The following RBFOX1 variants were observed in gnomAD, a reference collection of about 807,000 sequenced individuals.
RBFOX1 encodes the protein RNA binding fox-1 homolog 1.
A neutral mutation model predicts 57.7 loss-of-function variants in RBFOX1; 8 were observed. The ratio of observed to expected loss-of-function variants is 0.14; its 90% CI spans 0.08 to 0.25. The LOEUF (loss-of-function observed/expected upper bound fraction) is 0.25. Ranked by LOEUF, RBFOX1 falls within the 10% of genes least tolerant of loss-of-function variation. The probability of loss-of-function intolerance (pLI) is 1.00; values close to 1 mark genes in which losing one functional copy is unlikely to be tolerated. For missense variants in RBFOX1, 611 were observed against 548.5 expected, an observed-to-expected ratio of 1.11 and a Z score of -1.14; for synonymous variants, 326 against 222.4, an observed-to-expected ratio of 1.47 and a Z score of -4.15.
chr16:7,042,436 A>G (rs1393477093), intron 3 of RBFOX1, among the ~76,000 whole-genome samples: 2 of 152,138 alleles, frequency 1.3e-5, no homozygotes, highest in Non-Finnish European at 2.9e-5. Context: ...TTAGGAATTC[A>G]CTCACTCTGT....
At chr16:6,759,803 G>A (rs2076348407) in intron 3 of RBFOX1, among the ~76,000 whole-genome samples, 1 of 152,076 alleles carries the variant, frequency 6.6e-6, no homozygotes, top group Non-Finnish European at 1.5e-5. Context: ...GTGGCTATGA[G>A]GATGTTTATT....
intron 2 of RBFOX1, among the ~76,000 whole-genome samples, chr16:6,428,312 G>T (rs2093986984): frequency 6.8e-6 from 1 of 147,232 alleles, no homozygotes. Context: ...AAAAAAAAGT[G>T]CTCGATGCCT....
chr16:6,282,290 T>C (rs2076456957), intron 1 of RBFOX1, among the ~76,000 whole-genome samples: 1 of 151,994 alleles, frequency 6.6e-6, no homozygotes, highest in South Asian at 2.1e-4. Flanking sequence ...TTGTCTCCTT[T>C]TCTGAACAGC....
intron 3 of RBFOX1, among the ~76,000 whole-genome samples, chr16:6,670,100 C>T (rs1272748357): frequency 2.0e-5 from 3 of 152,122 alleles, no homozygotes; most frequent in Admixed American, 6.5e-5. Flanking sequence ...TGGCTCACTG[C>T]AACCTCACCC....
intron 3 of RBFOX1, among the ~76,000 whole-genome samples, chr16:6,969,770 C>A (rs9924901): frequency 2.0e-5 from 3 of 151,980 alleles, no homozygotes; most frequent in African/African-American, 7.2e-5. Context: ...GGTAACGTAT[C>A]TTAATTGCTG....
At chr16:7,416,744 A>G (rs57030527) in intron 4 of RBFOX1, among the ~76,000 whole-genome samples, 12,827 of 151,996 alleles carry the variant, frequency 0.084, 1,317 homozygotes, top group East Asian at 0.31. Context: ...TTTTCTTTCC[A>G]CATATATGTG....
intron 2 of RBFOX1, among the ~76,000 whole-genome samples, chr16:5,525,346 C>T (rs965564746): frequency 3.3e-5 from 5 of 152,086 alleles, no homozygotes; most frequent in African/African-American, 7.2e-5. Context: ...TTTTATACAA[C>T]AGCTCTGTGA....
At chr16:6,597,443 G>T (rs2097787668) in intron 2 of RBFOX1, among the ~76,000 whole-genome samples, 1 of 152,082 alleles carries the variant, frequency 6.6e-6, no homozygotes, top group Admixed American at 6.5e-5. Flanking sequence ...GGAGGCCGAG[G>T]TGGGCGGATC....
intron 3 of RBFOX1, among the ~76,000 whole-genome samples, chr16:5,665,273 C>A (rs2049803124): frequency 6.6e-6 from 1 of 152,178 alleles, no homozygotes; most frequent in Admixed American, 6.5e-5. Flanking sequence ...GTCTCAGAGC[C>A]TTTGCATCCA....
At chr16:7,487,549 T>C (rs2065752352) in intron 4 of RBFOX1, among the ~76,000 whole-genome samples, 1 of 152,206 alleles carries the variant, frequency 6.6e-6, no homozygotes, top group South Asian at 2.1e-4. Context: ...GGAATGTCTT[T>C]CCATGTTTCA....
At chr16:6,553,929 A>G (rs753235302) in intron 2 of RBFOX1, among the ~76,000 whole-genome samples, 11 of 152,270 alleles carry the variant, frequency 7.2e-5, no homozygotes, top group Admixed American at 5.2e-4. Context: ...ATCATTCCCA[A>G]CAATTAAGTG....
intron 2 of RBFOX1, among the ~76,000 whole-genome samples, chr16:6,533,405 C>G (rs1406319127): frequency 1.3e-5 from 2 of 152,172 alleles, no homozygotes; most frequent in African/African-American, 4.8e-5. Flanking sequence ...GCTAAGGATG[C>G]TGTTACCAGC....
At chr16:7,507,008 C>T (rs543489662) in intron 4 of RBFOX1, among the ~76,000 whole-genome samples, 3 of 152,116 alleles carry the variant, frequency 2.0e-5, no homozygotes, top group African/African-American at 4.8e-5. Flanking sequence ...TCTAAAGCAT[C>T]GTAAGAGTCT....
intron 3 of RBFOX1, among the ~76,000 whole-genome samples, chr16:6,903,749 G>A (rs1036496923): frequency 2.0e-5 from 3 of 152,150 alleles, no homozygotes; most frequent in Admixed American, 2.0e-4. Context: ...AAAAGAAAGA[G>A]GTGAGAGGCA....
intron 4 of RBFOX1, among the ~76,000 whole-genome samples, chr16:7,196,389 C>A (rs960595595): frequency 1.3e-5 from 2 of 152,144 alleles, no homozygotes; most frequent in Non-Finnish European, 1.5e-5. Flanking sequence ...GCCCCATTTG[C>A]CACTGACTTG....
intron 3 of RBFOX1, among the ~76,000 whole-genome samples, chr16:5,644,206 T>G (rs1195135036): frequency 6.6e-6 from 1 of 152,146 alleles, no homozygotes; most frequent in African/African-American, 2.4e-5. Context: ...GTGTGTGTGT[T>G]TTTTTCCTTT....
In RBFOX1 at chr16:6,943,518, C is replaced by A. The variant is rs567814615; in HGVS notation, c.-15-108539C>A. 2.0e-5 allele frequency among the ~76,000 whole-genome samples: 3 copies of A among 152,180 alleles called. No homozygotes were observed. In the South Asian group the frequency reaches 6.2e-4, roughly 32 times the overall value. On this transcript the variant is annotated intron_variant, in intron 3 of 15. Coordinates refer to ENST00000550418, the MANE Select transcript of RBFOX1 (RefSeq NM_018723.4). Reference sequence around the variant, plus strand: ...GGTCAGGAGATTGAGACCATCCTGACTAACATGGTGAAACCCCATCTCTAC... The same window carrying A: ...GGTCAGGAGATTGAGACCATCCTGAATAACATGGTGAAACCCCATCTCTAC...
At chr16:6,081,955 G>A (rs867475276) in intron 1 of RBFOX1, among the ~76,000 whole-genome samples, 1 of 152,136 alleles carries the variant, frequency 6.6e-6, no homozygotes, top group Non-Finnish European at 1.5e-5. Flanking sequence ...TTTCAGGAAG[G>A]AGGGATTATA....
At chr16:5,312,408 G>A (rs2064115710) in intron 1 of RBFOX1, among the ~76,000 whole-genome samples, 1 of 152,090 alleles carries the variant, frequency 6.6e-6, no homozygotes, top group South Asian at 2.1e-4. Context: ...CACCTCTGCT[G>A]CCCGGGTTCA....
Sources: gnomAD v4.1 joint callset for allele counts (sites outside exome capture counted in the v4.1 genomes callset) on GRCh38, gnomAD v4.1.1 for gene constraint, MANE v1.5 for transcripts, NCBI Gene and HGNC (gene_info 2026-07-23, HGNC 2026-07-21) for gene names.